The following FAM91A1 variants were observed in gnomAD, a reference collection of about 807,000 sequenced individuals.
The protein encoded by FAM91A1 is protein FAM91A1.
In FAM91A1, 41 loss-of-function variants were observed where a neutral mutation model predicts 113.5. That is an observed-to-expected ratio of 0.36 (90% CI 0.28 to 0.47). FAM91A1 has a LOEUF of 0.47. Among genes scored for constraint, FAM91A1 ranks in the 20% least tolerant of loss-of-function variants. FAM91A1 has a pLI of 1.00. For missense variants in FAM91A1, 696 were observed against 1,001.2 expected (o/e 0.70, Z 4.11); for synonymous variants, 307 against 347.9 (o/e 0.88, Z 1.31).
intron 21 of FAM91A1, 74 bp from the exon 22 acceptor site, chr8:123,808,819 C>G: frequency 7.3e-7 from 1 of 1,365,260 alleles, no homozygotes; most frequent in Non-Finnish European, 9.8e-7. Context: ...TTAAGAAACC[C>G]TTGTCAGTTA....
chr8:123,806,284 A>G (rs2130153981), intron 20 of FAM91A1, 55 bp downstream of exon 20: 1 of 1,539,634 alleles, frequency 6.5e-7, no homozygotes, highest in East Asian at 2.3e-5. Context: ...AGTTTGACAC[A>G]GTGTTAATAT....
At chr8:123,780,200 G>A in intron 7 of FAM91A1, 125 bp downstream of exon 7, 1 of 839,192 alleles carries the variant, frequency 1.2e-6, no homozygotes, top group Non-Finnish European at 1.8e-6. Context: ...GTTATTGTTT[G>A]AAATGTGACC....
chr8:123,796,612 C>T (rs1357245665), intron 15 of FAM91A1, among the ~76,000 whole-genome samples: 2 of 151,538 alleles, frequency 1.3e-5, no homozygotes, highest in East Asian at 4.0e-4. Context: ...GTACGTGCTA[C>T]CATGCCTGGC....
intron 15 of FAM91A1, 137 bp downstream of exon 15, chr8:123,789,882 C>T (rs1815343484): frequency 3.9e-6 from 4 of 1,023,008 alleles, no homozygotes; most frequent in East Asian, 2.8e-5. Flanking sequence ...TAACTAGAGG[C>T]CTGTTTTGTG....
intron 12 of FAM91A1, 130 bp downstream of exon 12, chr8:123,786,740 A>G: frequency 2.7e-6 from 2 of 734,152 alleles, no homozygotes; most frequent in Middle Eastern, 2.5e-4. Context: ...GTGTTTTACT[A>G]TATTTTGGGC....
chr8:123,798,715 C>T (rs1815604822), intron 16 of FAM91A1, among the ~76,000 whole-genome samples: 1 of 152,124 alleles, frequency 6.6e-6, no homozygotes, highest in African/African-American at 2.4e-5. Flanking sequence ...CATTTGTATA[C>T]TTAACAAGGA....
intron 1 of FAM91A1, among the ~76,000 whole-genome samples, chr8:123,771,214 C>T (rs1017402542): frequency 1.3e-5 from 2 of 152,180 alleles, no homozygotes; most frequent in African/African-American, 2.4e-5. Context: ...GAGCTTACCC[C>T]GCTATGGTGC....
At position 123,774,759 on chromosome 8, in the gene FAM91A1, A is replaced by G. The variant is rs187822797; in HGVS notation, c.158-388A>G. ...GTCAGAGGGCTTTTTACATTTAAAAACTAAAAAAGCAGCAAATAATTTTTA... is the reference window on the plus strand; with the variant it reads ...GTCAGAGGGCTTTTTACATTTAAAAGCTAAAAAAGCAGCAAATAATTTTTA... On this transcript the variant is annotated intron_variant, in intron 2 of 23. Coordinates refer to ENST00000334705, the MANE Select transcript of FAM91A1 (RefSeq NM_144963.4). 1.1e-3 allele frequency among the ~76,000 whole-genome samples: 170 copies of G among 152,290 alleles called. 1 individual carries two copies. Among genetic ancestry groups the G allele is most frequent in the Admixed American group, 4.6e-3 (71 of 15,304 alleles).
At chr8:123,783,505 G>A (rs546166138) in intron 8 of FAM91A1, among the ~76,000 whole-genome samples, 53 of 152,282 alleles carry the variant, frequency 3.5e-4, no homozygotes, top group African/African-American at 1.3e-3. Context: ...ATCCTCAGAT[G>A]TATGTACATT....
At chr8:123,801,189 G>A (rs774397780) in intron 18 of FAM91A1, among the ~76,000 whole-genome samples, 1 of 152,202 alleles carries the variant, frequency 6.6e-6, no homozygotes, top group African/African-American at 2.4e-5. Flanking sequence ...ACCTTAGGAG[G>A]TGTGGAATGG....
At position 123,789,641 on chromosome 8, in the gene FAM91A1, A is replaced by G; in HGVS notation, c.1307A>G (p.Gln436Arg). ...KVQSTGEGEA[Q>R]RYFDHALTLR... Reference sequence around the variant, plus strand: ...CAGAGCACTGGTGAAGGAGAAGCACAGAGATATTTTGATCATGCACTTACT... The same window carrying G: ...CAGAGCACTGGTGAAGGAGAAGCACGGAGATATTTTGATCATGCACTTACT... The change falls in exon 15 of 24, where the codon CAG becomes CGG. Residue 436 changes from glutamine (Q) to arginine (R), a missense_variant. By Grantham distance (43) the Gln-to-Arg change is conservative. Transcript: ENST00000334705. The G allele has an allele frequency of 6.2e-7, 1 of 1,611,986 alleles. No individual in the cohort carries two copies.
At position 123,784,803 on chromosome 8, in the gene FAM91A1, A is replaced by G. The variant is rs548689620; in HGVS notation, c.810+227A>G. Reference sequence around the variant, plus strand: ...CTTTTTATATGACTTTTTGTACTAAAGTATTGTAGACTATATTGATCTATC... The same window carrying G: ...CTTTTTATATGACTTTTTGTACTAAGGTATTGTAGACTATATTGATCTATC... On this transcript the variant is annotated intron_variant, in intron 9 of 23. Transcript: ENST00000334705. 2.7e-4 allele frequency: 114 copies of G among 426,742 alleles called. No homozygotes were observed. The highest frequency in any genetic ancestry group is 4.4e-4 in the Non-Finnish European group (108 of 247,220). The allele number at this position is 426,742 out of a possible 1,614,324, so 26.4% of individuals were successfully genotyped here. A position where few individuals can be genotyped will look rare whatever the true frequency, so the allele number is the denominator to read the frequency against.
chr8:123,785,698 C>A lies in FAM91A1; in HGVS notation c.919C>A (p.Leu307Ile), dbSNP rs754582941. The change falls in exon 11 of 24, where the codon CTT becomes ATT. Residue 307 changes from leucine (L) to isoleucine (I), a missense_variant. Coordinates refer to ENST00000334705, the MANE Select transcript of FAM91A1 (RefSeq NM_144963.4). ...GGGACAAGTAATTAATTTGGATCAA[C>A]TTCATTCATCATGGAAGAATGTTCC... ...KKGQVINLDQ[L>I]HSSWKNVPSV... The A allele has an allele frequency of 1.2e-6, 2 of 1,609,448 alleles. No homozygotes were observed. Among genetic ancestry groups the A allele is most frequent in the Admixed American group, 3.4e-5 (2 of 58,696 alleles).
At chr8:123,797,635 A>T (rs908448797) in intron 15 of FAM91A1, among the ~76,000 whole-genome samples, 1 of 152,214 alleles carries the variant, frequency 6.6e-6, no homozygotes, top group Non-Finnish European at 1.5e-5. Flanking sequence ...TAACATATAA[A>T]ATATGTATTA....
At chr8:123,803,175 T>C (rs1815727712) in intron 18 of FAM91A1, among the ~76,000 whole-genome samples, 1 of 151,372 alleles carries the variant, frequency 6.6e-6, no homozygotes, top group Admixed American at 6.6e-5. Flanking sequence ...TAAAGTAAAA[T>C]GAGAGAGGTG....
chr8:123,783,239 C>A (rs771294291), intron 8 of FAM91A1, among the ~76,000 whole-genome samples: 2 of 151,868 alleles, frequency 1.3e-5, no homozygotes, highest in Non-Finnish European at 2.9e-5. Flanking sequence ...GTACAACCCA[C>A]GGAGTTAGGA....
At chr8:123,796,754 G>T (rs1414112660) in intron 15 of FAM91A1, among the ~76,000 whole-genome samples, 1 of 150,450 alleles carries the variant, frequency 6.6e-6, no homozygotes, top group Non-Finnish European at 1.5e-5. Flanking sequence ...ACTGTGCCTG[G>T]CCTGAAGTGT....
At position 123,786,587 on chromosome 8, in the gene FAM91A1, A is replaced by G; in HGVS notation, c.1055A>G (p.Asp352Gly). ...VQEASSATDT[D>G]TNSQEDPADT... Reference sequence around the variant, plus strand: ...GAAGCTTCATCGGCAACTGACACTGATACAAATAGTCAAGAAGATCCAGGT... The same window carrying G: ...GAAGCTTCATCGGCAACTGACACTGGTACAAATAGTCAAGAAGATCCAGGT... The change falls in exon 12 of 24, where the codon GAT becomes GGT. Residue 352 changes from aspartate (D) to glycine (G), a missense_variant. Physicochemically the swap from Asp to Gly is moderately conservative, Grantham distance 94. Transcript: ENST00000334705. The G allele has an allele frequency of 6.2e-7, 1 of 1,614,136 alleles. No homozygotes were observed. The highest frequency in any genetic ancestry group is 8.5e-7 in the Non-Finnish European group (1 of 1,179,974).
At chr8:123,808,835 A>G in intron 21 of FAM91A1, 58 bp from the exon 22 acceptor site, 1 of 1,429,744 alleles carries the variant, frequency 7.0e-7, no homozygotes, top group South Asian at 1.4e-5. Flanking sequence ...AGTTATATAT[A>G]ATATATACAT....
Sources: gnomAD v4.1 joint callset for allele counts (sites outside exome capture counted in the v4.1 genomes callset) on GRCh38, gnomAD v4.1.1 for gene constraint, MANE v1.5 for transcripts, NCBI Gene and HGNC (gene_info 2026-07-23, HGNC 2026-07-21) for gene names.